FRMD6: variants seen among roughly 807,000 people sequenced by gnomAD.
FRMD6 encodes the protein FERM domain containing 6, also known as FERM domain-containing protein 6.
FRMD6 carries 37 observed loss-of-function variants against 73.2 expected under a neutral mutation model. The ratio of observed to expected loss-of-function variants is 0.51; its 90% CI spans 0.39 to 0.66. The LOEUF is 0.66. Ranked by LOEUF, FRMD6 falls within the 30% of genes least tolerant of loss-of-function variation. The probability of loss-of-function intolerance (pLI) is 0.00; values close to 1 mark genes in which losing one functional copy is unlikely to be tolerated. For synonymous variants in FRMD6, 273 were observed against 282.2 expected, an observed-to-expected ratio of 0.97 and a Z score of 0.33; for missense variants, 714 against 780.5, an observed-to-expected ratio of 0.91 and a Z score of 1.02.
intron 1 of FRMD6, among the ~76,000 whole-genome samples, chr14:51,561,754 G>A (rs150263787): frequency 0.011 from 1,720 of 152,194 alleles, 16 homozygotes; most frequent in South Asian, 0.03. Flanking sequence ...TGAAAAAGAA[G>A]GTCAAGGGCA....
chr14:51,453,361 G>A, the FRMD6 span, among the ~76,000 whole-genome samples: 1 of 152,082 alleles, frequency 6.6e-6, no homozygotes, highest in Non-Finnish European at 1.5e-5. Context: ...AGCAAGAACA[G>A]CCTGAAATGG....
chr14:51,679,365 A>AAT (rs1159107691), intron 1 of FRMD6, among the ~76,000 whole-genome samples: 2 of 150,424 alleles, frequency 1.3e-5, no homozygotes, highest in Non-Finnish European at 3.0e-5. Flanking sequence ...TATTATATAT[A>AAT]ATATATATTA....
At chr14:51,725,033 C>T (rs972378885) in intron 12 of FRMD6, among the ~76,000 whole-genome samples, 1 of 152,254 alleles carries the variant, frequency 6.6e-6, no homozygotes, top group East Asian at 1.9e-4. Flanking sequence ...TTCACTGTGG[C>T]CTCCCAGTTT....
the FRMD6 span, among the ~76,000 whole-genome samples, chr14:51,407,154 A>AT: frequency 6.6e-6 from 1 of 150,554 alleles, no homozygotes; most frequent in Admixed American, 6.6e-5. Flanking sequence ...ATGTAGTATT[A>AT]TTTTTTTTAA....
At chr14:51,473,881 C>A in the FRMD6 span, among the ~76,000 whole-genome samples, 3 of 151,684 alleles carry the variant, frequency 2.0e-5, no homozygotes, top group African/African-American at 7.3e-5. Flanking sequence ...TTTCCCCTGA[C>A]CTAGAGCTAT....
At chr14:51,525,681 C>G (rs1885213100) in intron 1 of FRMD6, among the ~76,000 whole-genome samples, 1 of 152,156 alleles carries the variant, frequency 6.6e-6, no homozygotes, top group Admixed American at 6.5e-5. Context: ...TCTCCTGCCT[C>G]CTCATTTTGT....
chr14:51,492,110 A>G (rs968668912), intron 1 of FRMD6, among the ~76,000 whole-genome samples: 2 of 152,160 alleles, frequency 1.3e-5, no homozygotes, highest in Admixed American at 6.5e-5. Context: ...GTTTCCGGAG[A>G]CAGAGTCCTG....
chr14:51,404,571 A>T, the FRMD6 span, among the ~76,000 whole-genome samples: 2 of 152,206 alleles, frequency 1.3e-5, no homozygotes, highest in East Asian at 1.9e-4. Flanking sequence ...ATTGATCTTT[A>T]TATAAGCCAT....
intron 2 of FRMD6, among the ~76,000 whole-genome samples, chr14:51,643,955 T>C (rs1447256293): frequency 2.0e-5 from 3 of 152,128 alleles, no homozygotes; most frequent in African/African-American, 7.2e-5. Flanking sequence ...TATAGTTAAG[T>C]ATAGTTTCAC....
At chr14:51,487,489 G>A (rs181222457), upstream of FRMD6, among the ~76,000 whole-genome samples, 4 of 152,266 alleles carry the variant, frequency 2.6e-5, no homozygotes, top group East Asian at 7.7e-4. Flanking sequence ...CTGGATTAAG[G>A]CCTGAGGTCC....
chr14:51,470,046 A>G, the FRMD6 span, among the ~76,000 whole-genome samples: 1 of 152,118 alleles, frequency 6.6e-6, no homozygotes, highest in Admixed American at 6.5e-5. Context: ...AAGATTTTTT[A>G]TTTAATCTAA....
intron 2 of FRMD6, among the ~76,000 whole-genome samples, chr14:51,587,856 C>T (rs933708697): frequency 6.6e-6 from 1 of 152,234 alleles, no homozygotes; most frequent in East Asian, 1.9e-4. Flanking sequence ...TTCCTACTGA[C>T]GTTAGCGGCA....
At chr14:51,618,275 G>T (rs750078273) in intron 2 of FRMD6, among the ~76,000 whole-genome samples, 14 of 152,156 alleles carry the variant, frequency 9.2e-5, no homozygotes, top group Non-Finnish European at 1.9e-4. Context: ...GGAGGGAGAG[G>T]AAGGAAATGT....
intron 1 of FRMD6, among the ~76,000 whole-genome samples, chr14:51,519,650 C>T (rs113036866): frequency 1.7e-3 from 262 of 152,268 alleles, no homozygotes; most frequent in African/African-American, 5.8e-3. Flanking sequence ...ACTTTCTCCA[C>T]TACAACAAGG....
chr14:51,454,513 T>A, the FRMD6 span: 3 of 152,270 alleles, frequency 2.0e-5, no homozygotes, highest in South Asian at 6.2e-4. Context: ...AATATCTGAG[T>A]TTGAATCACA....
intron 12 of FRMD6, among the ~76,000 whole-genome samples, chr14:51,723,223 A>G (rs1897728977): frequency 6.6e-6 from 1 of 152,184 alleles, no homozygotes; most frequent in Admixed American, 6.5e-5. Context: ...TCACAATTAT[A>G]TGCACATTAT....
At chr14:51,483,095 A>T in the FRMD6 span, among the ~76,000 whole-genome samples, 1 of 152,168 alleles carries the variant, frequency 6.6e-6, no homozygotes, top group African/African-American at 2.4e-5. Flanking sequence ...TTAGTTGTGT[A>T]CTGGAATACC....
At chr14:51,692,472 ATGTGTGTGTG>A (rs10637550) in intron 2 of FRMD6, among the ~76,000 whole-genome samples, 7 of 150,500 alleles carry the variant, frequency 4.7e-5, no homozygotes, top group Non-Finnish European at 4.4e-5. Flanking sequence ...ACGTGGTGCA[ATGTGTGTGTG>A]TGTGTGTGTG....
intron 1 of FRMD6, among the ~76,000 whole-genome samples, chr14:51,497,553 GT>G (rs1883377895): frequency 6.6e-6 from 1 of 152,022 alleles, no homozygotes; most frequent in Non-Finnish European, 1.5e-5. Flanking sequence ...TCATATATAT[GT>G]TTTTTTGAAA....
Sources: gnomAD v4.1 joint callset for allele counts (sites outside exome capture counted in the v4.1 genomes callset) on GRCh38, gnomAD v4.1.1 for gene constraint, MANE v1.5 for transcripts, NCBI Gene and HGNC (gene_info 2026-07-23, HGNC 2026-07-21) for gene names.